The following TPP2 variants were observed in gnomAD, a reference collection of about 807,000 sequenced individuals.
The protein encoded by TPP2 is tripeptidyl-peptidase 2.
TPP2 carries 34 observed loss-of-function variants against 155.9 expected under a neutral mutation model. The ratio of observed to expected loss-of-function variants is 0.22; its 90% CI spans 0.17 to 0.29. TPP2 has a LOEUF of 0.29. Among genes scored for constraint, TPP2 ranks in the 10% least tolerant of loss-of-function variants. The pLI is 1.00. For missense variants in TPP2, 1,028 were observed against 1,522.3 expected (o/e 0.68, Z 5.40); for synonymous variants, 510 against 529.4 (o/e 0.96, Z 0.50).
At chr13:102,611,627 G>A (rs1880328408) in intron 2 of TPP2, among the ~76,000 whole-genome samples, 1 of 152,120 alleles carries the variant, frequency 6.6e-6, no homozygotes, top group Non-Finnish European at 1.5e-5. Flanking sequence ...CCACTGCACA[G>A]CAGCCTGAGT....
At chr13:102,654,966 CA>C in intron 24 of TPP2, 1 of 505,770 alleles carries the variant, frequency 2.0e-6, no homozygotes, top group Non-Finnish European at 3.9e-6. Context: ...AGAGCTAGCC[CA>C]AGCAATAGAC....
At chr13:102,650,191 A>G (rs754289123) in intron 23 of TPP2, among the ~76,000 whole-genome samples, 3 of 152,126 alleles carry the variant, frequency 2.0e-5, no homozygotes, top group Non-Finnish European at 2.9e-5. Context: ...ATATAGATCT[A>G]TCACCTTTTG....
Position 102,604,796 on chromosome 13 carries a change from A to G in TPP2, c.169A>G (p.Thr57Ala), listed in dbSNP as rs1879697103. The change falls in exon 2 of 30, where the codon ACA becomes GCA. Residue 57 changes from threonine to alanine, a missense_variant. This residue lies in a region of TPP2 where 300 missense variants were observed against 398.3 expected (regional missense o/e 0.75). Transcript: ENST00000376052. ...TTTTAATTTTCTTAATTTTCAGGTT[A>G]CAACTGATGGAAAACCAAAAATCGT... ...VDPGAPGMQV[T>A]TDGKPKIVDI... 1.2e-6 allele frequency: 2 copies of G among 1,608,874 alleles called. No homozygotes were observed. Among genetic ancestry groups the G allele is most frequent in the South Asian group, 2.2e-5 (2 of 89,620 alleles).
intron 27 of TPP2, among the ~76,000 whole-genome samples, chr13:102,669,473 G>A (rs970049463): frequency 2.6e-4 from 39 of 152,190 alleles, no homozygotes; most frequent in African/African-American, 8.9e-4. Context: ...AACATATTGA[G>A]CAGACTTTCC....
chr13:102,675,866 A>G (rs911292292), intron 28 of TPP2, among the ~76,000 whole-genome samples: 6 of 152,206 alleles, frequency 3.9e-5, no homozygotes, highest in African/African-American at 1.4e-4. Context: ...AGTATATTTG[A>G]CAGATGCAGT....
At chr13:102,608,603 A>G (rs1443197101) in intron 2 of TPP2, among the ~76,000 whole-genome samples, 3 of 151,996 alleles carry the variant, frequency 2.0e-5, no homozygotes, top group African/African-American at 7.2e-5. Flanking sequence ...CCTATTTTTA[A>G]TTGCAAAAGC....
chr13:102,646,415 A>G, intron 20 of TPP2, 25 bp downstream of exon 20: 1 of 1,571,170 alleles, frequency 6.4e-7, no homozygotes, highest in Non-Finnish European at 8.7e-7. Context: ...AGTAAAGTGT[A>G]CCCTTAGGAT....
At chr13:102,606,001 C>T (rs1879799874) in intron 2 of TPP2, among the ~76,000 whole-genome samples, 1 of 152,126 alleles carries the variant, frequency 6.6e-6, no homozygotes, top group Admixed American at 6.6e-5. Flanking sequence ...GGATTATAGG[C>T]GTGAGCCAGG....
At chr13:102,665,384 C>G (rs963661195) in intron 27 of TPP2, among the ~76,000 whole-genome samples, 1 of 152,152 alleles carries the variant, frequency 6.6e-6, no homozygotes, top group Non-Finnish European at 1.5e-5. Flanking sequence ...TAGGTTAAAA[C>G]TATCTGGCAA....
chr13:102,612,600 T>C (rs1288421992), intron 2 of TPP2, among the ~76,000 whole-genome samples: 3 of 152,240 alleles, frequency 2.0e-5, no homozygotes, highest in Admixed American at 6.5e-5. Context: ...TACTCTAACT[T>C]GGCTAAAGTT....
intron 1 of TPP2, among the ~76,000 whole-genome samples, 173 bp from the exon 2 acceptor site, chr13:102,604,620 G>A (rs1050051502): frequency 2.6e-5 from 4 of 152,124 alleles, no homozygotes; most frequent in Non-Finnish European, 4.4e-5. Context: ...GTGTTTCCAC[G>A]ATTAAATTTT....
In TPP2 at chr13:102,636,308, G is replaced by A; in HGVS notation, c.1594G>A (p.Gly532Ser). The change falls in exon 13 of 30, where the codon GGC becomes AGC. Residue 532 changes from glycine (G) to serine (S), a missense_variant. By Grantham distance (56) the Gly-to-Ser change is moderately conservative. Around this residue, in one of 7 missense-constraint regions of TPP2, gnomAD observed 325 missense variants for 463.7 expected, o/e 0.70. Transcript: ENST00000376052. ...GFTVTVGNNR[G>S]IYLRDPVQVA... ...TACTGTTACTGTTGGAAATAACCGT[G>A]GCATCTACCTCCGAGATCCTGTTCA... The A allele has an allele frequency of 6.2e-7, 1 of 1,613,840 alleles. No individual in the cohort carries two copies. The highest frequency in any genetic ancestry group is 8.5e-7 in the Non-Finnish European group (1 of 1,179,902).
chr13:102,664,272 A>G (rs554452205), intron 26 of TPP2, among the ~76,000 whole-genome samples: 2 of 152,364 alleles, frequency 1.3e-5, no homozygotes, highest in South Asian at 4.1e-4. Context: ...GACTTTAACA[A>G]GAGAGAAGCA....
chr13:102,635,405 C>T (rs1019133209), intron 11 of TPP2, among the ~76,000 whole-genome samples, 182 bp from the exon 12 acceptor site: 1 of 152,158 alleles, frequency 6.6e-6, no homozygotes, highest in Non-Finnish European at 1.5e-5. Flanking sequence ...ATGAAGCCTT[C>T]ATGTAATGCA....
rs1884402792 is a variant in TPP2, at chr13:102,663,686, C to T, written c.3182C>T (p.Thr1061Ile). The change falls in exon 26 of 30, where the codon ACA (threonine) becomes ATA (isoleucine). Residue 1061 changes from threonine (T) to isoleucine (I), a missense_variant. By Grantham distance (89) the Thr-to-Ile change is moderately conservative. Transcript: ENST00000376052. ...GACATTTATAACGAATTGAAAGAAACATATCCTAATTATCTTCCTCTGTAC... is the reference window on the plus strand; with the variant it reads ...GACATTTATAACGAATTGAAAGAAATATATCCTAATTATCTTCCTCTGTAC... ...SSDIYNELKE[T>I]YPNYLPLYVA... is the part of the protein sequence containing the mutation. 1 of 1,608,176 alleles carries T rather than the reference C, an allele frequency of 6.2e-7. No individual in the cohort carries two copies. Among genetic ancestry groups the T allele is most frequent in the Non-Finnish European group, 8.5e-7 (1 of 1,178,034 alleles).
At chr13:102,604,474 C>T (rs982142574) in intron 1 of TPP2, among the ~76,000 whole-genome samples, 6 of 152,148 alleles carry the variant, frequency 3.9e-5, no homozygotes, top group Admixed American at 1.3e-4. Context: ...ACTGCTTTCT[C>T]GCTATAAGAT....
At chr13:102,659,378 C>CA (rs1884059316) in intron 25 of TPP2, among the ~76,000 whole-genome samples, 1 of 152,032 alleles carries the variant, frequency 6.6e-6, no homozygotes, top group Non-Finnish European at 1.5e-5. Context: ...TCAATGAACT[C>CA]AAAGTAAATG....
chr13:102,636,998 A>C, intron 13 of TPP2, 84 bp from the exon 14 acceptor site: 1 of 1,461,146 alleles, frequency 6.8e-7, no homozygotes, highest in South Asian at 1.4e-5. Context: ...CAAGTCGCTA[A>C]ATTTTTTTGG....
chr13:102,657,987 A>C (rs1307097714), intron 25 of TPP2, among the ~76,000 whole-genome samples: 11 of 152,224 alleles, frequency 7.2e-5, no homozygotes. Flanking sequence ...AGCTTCTGAC[A>C]GTTGAGCATA....
Sources: allele counts gnomAD v4.1 joint callset (sites outside exome capture counted in the v4.1 genomes callset), GRCh38; gene constraint gnomAD v4.1.1; regional missense constraint gnomAD v4.1.1; transcripts MANE v1.5; gene names NCBI Gene and HGNC (gene_info 2026-07-23, HGNC 2026-07-21).